DAB2IP: variants seen among roughly 807,000 people sequenced by gnomAD.
DAB2IP encodes the protein DAB2 interacting protein, also known as disabled homolog 2-interacting protein.
Under a neutral mutation model 107.2 loss-of-function variants are expected in DAB2IP, and 28 were observed. The ratio of observed to expected loss-of-function variants is 0.26; its 90% CI spans 0.19 to 0.36. The LOEUF is 0.36. Ranked by LOEUF, DAB2IP falls within the 10% of genes least tolerant of loss-of-function variation. The pLI, the probability that DAB2IP is intolerant of heterozygous loss-of-function variation, is 1.00. For missense variants in DAB2IP, 1,400 were observed against 1,644.7 expected (o/e 0.85, Z 2.57); for synonymous variants, 755 against 706.4 (o/e 1.07, Z -1.09).
intron 1 of DAB2IP, among the ~76,000 whole-genome samples, chr9:121,663,654 A>G (rs991063642): frequency 2.6e-5 from 4 of 152,246 alleles, no homozygotes; most frequent in Non-Finnish European, 5.9e-5. Flanking sequence ...TCATAGTTCC[A>G]TGGCCTCAGG....
At chr9:121,616,766 A>G (rs1414899768) in intron 1 of DAB2IP, among the ~76,000 whole-genome samples, 1 of 152,182 alleles carries the variant, frequency 6.6e-6, no homozygotes, top group Non-Finnish European at 1.5e-5. Context: ...GGCCCTCACC[A>G]TCAACCTTTG....
chr9:121,624,166 A>T (rs1001237771), intron 1 of DAB2IP, among the ~76,000 whole-genome samples: 1 of 152,126 alleles, frequency 6.6e-6, no homozygotes, highest in African/African-American at 2.4e-5. Flanking sequence ...CACCTTCTCC[A>T]TGAAGCAGCT....
rs191270398 is a variant in DAB2IP, at chr9:121,678,666, C to G, written c.125-12C>G. 6.2e-4 allele frequency: 942 copies of G among 1,527,762 alleles called. 5 individuals are homozygous for G. The highest frequency in any genetic ancestry group is 1.7e-3 in the East Asian group (67 of 39,642). The allele number at this position is 1,527,762 out of a possible 1,614,324, so 94.6% of individuals were successfully genotyped here. ...GTTCTTGTTCAACCTCTCTCTCCTC[C>G]TCTGTTGGCAGAGTCGCCTCAAGAA... On this transcript the variant is annotated splice_polypyrimidine_tract_variant and intron_variant, in intron 1 of 15. Coordinates refer to ENST00000408936, the Ensembl canonical transcript of DAB2IP.
intron 2 of DAB2IP, among the ~76,000 whole-genome samples, chr9:121,685,663 C>G (rs1423004516): frequency 2.6e-5 from 4 of 152,250 alleles, no homozygotes; most frequent in African/African-American, 9.6e-5. Flanking sequence ...TTTCTTTATT[C>G]TTTCTTTCGA....
intron 10 of DAB2IP, among the ~76,000 whole-genome samples, chr9:121,769,871 A>AAACTC (rs1186890525): frequency 6.6e-6 from 1 of 152,212 alleles, no homozygotes; most frequent in Non-Finnish European, 1.5e-5. Flanking sequence ...CAGGGATTTG[A>AAACTC]AACTCAACTG....
chr9:121,600,077 GC>G (rs1167455541), intron 1 of DAB2IP, among the ~76,000 whole-genome samples: 1 of 152,074 alleles, frequency 6.6e-6, no homozygotes, highest in Non-Finnish European at 1.5e-5. Flanking sequence ...CGAGGAAGGC[GC>G]CCCCAGCTGG....
intron 3 of DAB2IP, chr9:121,737,377 A>AT: frequency 1.0e-6 from 1 of 985,380 alleles, no homozygotes; most frequent in Non-Finnish European, 1.2e-6. Context: ...CACTGTGTTT[A>AT]TTTAAGTCAT....
chr9:121,640,488 G>A (rs1019792690), intron 1 of DAB2IP, among the ~76,000 whole-genome samples: 3 of 152,124 alleles, frequency 2.0e-5, no homozygotes, highest in African/African-American at 7.2e-5. Flanking sequence ...GAAGAGGAGA[G>A]GGCATCTGTT....
chr9:121,616,537 A>G (rs1831286372), intron 1 of DAB2IP, among the ~76,000 whole-genome samples: 1 of 152,134 alleles, frequency 6.6e-6, no homozygotes, highest in African/African-American at 2.4e-5. Context: ...GGTGACAGGG[A>G]TGGAACAGTG....
chr9:121,584,732 A>G (rs1286468335), intron 1 of DAB2IP, among the ~76,000 whole-genome samples: 1 of 152,220 alleles, frequency 6.6e-6, no homozygotes, highest in Non-Finnish European at 1.5e-5. Context: ...GAAGAGGACC[A>G]AAGTGGGAAG....
At chr9:121,593,674 T>TTTTTTTTTC (rs1830462983) in intron 1 of DAB2IP, among the ~76,000 whole-genome samples, 3 of 11,272 alleles carry the variant, frequency 2.7e-4, no homozygotes, top group Non-Finnish European at 3.9e-4. Context: ...TTTTTTTTTC[T>TTTTTTTTTC]TTTTTTTTTT....
At chr9:121,580,553 A>T (rs939616672) in intron 1 of DAB2IP, among the ~76,000 whole-genome samples, 2 of 152,046 alleles carry the variant, frequency 1.3e-5, no homozygotes, top group Non-Finnish European at 2.9e-5. Flanking sequence ...TGGTGGATGG[A>T]GGTAGTGAAC....
rs765483573 is a variant in DAB2IP, at chr9:121,772,602, T to G, written c.2079-5T>G. Reference sequence around the variant, plus strand: ...CTTTCCCTGTGTGTGCTTGTCTCCCTGCAGTCTGATAGATTTCACCCGGTT... The same window carrying G: ...CTTTCCCTGTGTGTGCTTGTCTCCCGGCAGTCTGATAGATTTCACCCGGTT... On this transcript the variant is annotated splice_polypyrimidine_tract_variant and splice_region_variant and intron_variant, in intron 11 of 15. Transcript: ENST00000408936. The surrounding 1 kb of genome is among the most constrained non-coding windows in gnomAD (Gnocchi z 4.7). 32 of 1,609,348 alleles carry G rather than the reference T, an allele frequency of 2.0e-5. No individual in the cohort carries two copies. Among genetic ancestry groups the G allele is most frequent in the Middle Eastern group, 1.7e-4 (1 of 6,042 alleles).
intron 1 of DAB2IP, among the ~76,000 whole-genome samples, chr9:121,576,909 G>C (rs574251650): frequency 1.8e-4 from 28 of 152,246 alleles, no homozygotes; most frequent in South Asian, 6.2e-4. Context: ...CCTTCCCAGC[G>C]TGTGTCAGAA....
intron 2 of DAB2IP, among the ~76,000 whole-genome samples, chr9:121,685,746 G>A (rs971034003): frequency 6.6e-6 from 1 of 152,282 alleles, no homozygotes. Context: ...GGATGAAAAC[G>A]TAGTTGCTAC....
intron 2 of DAB2IP, among the ~76,000 whole-genome samples, chr9:121,679,163 A>G (rs536328948): frequency 3.9e-5 from 6 of 152,186 alleles, no homozygotes; most frequent in South Asian, 2.1e-4. Context: ...TTGTTTCCAT[A>G]TATTTTAACA....
At chr9:121,668,052 C>T (rs568937668) in intron 1 of DAB2IP, among the ~76,000 whole-genome samples, 8 of 152,294 alleles carry the variant, frequency 5.3e-5, no homozygotes, top group South Asian at 2.1e-4. Flanking sequence ...ACCACCAGAA[C>T]GCTATGGGGA....
Position 121,634,588 on chromosome 9 carries a change from G to T in DAB2IP, c.41-44090G>T, listed in dbSNP as rs938729896. Among the ~76,000 whole-genome samples the T allele has an allele frequency of 2.0e-5, 3 of 152,134 alleles. No individual in the cohort carries two copies. The highest frequency in any genetic ancestry group is 7.2e-5 in the African/African-American group (3 of 41,412). ...GGGGTGACGCGCAGGTCTGAGAATGGGTGGGCAGTGGGGGTGGAGTTCACT... is the reference window on the plus strand; with the variant it reads ...GGGGTGACGCGCAGGTCTGAGAATGTGTGGGCAGTGGGGGTGGAGTTCACT... On this transcript the variant is annotated intron_variant, in intron 1 of 16. Transcript: ENST00000259371. The surrounding 1 kb of genome is among the most constrained non-coding windows in gnomAD (Gnocchi z 4.7).
intron 1 of DAB2IP, among the ~76,000 whole-genome samples, chr9:121,573,271 T>C: frequency 6.6e-6 from 1 of 151,972 alleles, no homozygotes. Flanking sequence ...GAGGCGGGGT[T>C]TCGCCATGTT....
Sources: gnomAD v4.1 joint callset for allele counts (sites outside exome capture counted in the v4.1 genomes callset) on GRCh38, gnomAD v4.1.1 for gene constraint, Gnocchi (gnomAD v3.1) non-coding constraint, MANE v1.5 for transcripts, NCBI Gene and HGNC (gene_info 2026-07-23, HGNC 2026-07-21) for gene names.